Variants in ATP2B2 observed in about 807,000 individuals in gnomAD.
ATP2B2 encodes the protein ATPase plasma membrane Ca2+ transporting 2.
A neutral mutation model predicts 120.0 loss-of-function variants in ATP2B2; 15 were observed. The observed-to-expected ratio is 0.12, with a 90% CI of 0.08 to 0.19. The LOEUF is 0.19. Ranked by LOEUF, ATP2B2 falls within the 10% of genes least tolerant of loss-of-function variation. The pLI, the probability that ATP2B2 is intolerant of heterozygous loss-of-function variation, is 1.00. For synonymous variants in ATP2B2, 694 were observed against 700.3 expected (o/e 0.99, Z 0.14); for missense variants, 1,045 against 1,719.8 (o/e 0.61, Z 6.94).
chr3:10,505,259 C>T (rs2066575356), intron 1 of ATP2B2, among the ~76,000 whole-genome samples: 1 of 152,094 alleles, frequency 6.6e-6, no homozygotes, highest in South Asian at 2.1e-4. Context: ...TCTCCCTCAG[C>T]GGCGGCTCCC....
At chr3:10,566,021 C>T (rs572983292) in intron 2 of ATP2B2, among the ~76,000 whole-genome samples, 135 of 152,254 alleles carry the variant, frequency 8.9e-4, no homozygotes, top group African/African-American at 2.8e-3. Context: ...TGTCTGCCTA[C>T]TATGTCTATT....
chr3:10,412,950 C>T (rs1161473363), intron 2 of ATP2B2, among the ~76,000 whole-genome samples: 1 of 152,192 alleles, frequency 6.6e-6, no homozygotes, highest in Non-Finnish European at 1.5e-5. Context: ...CACCCCTCAT[C>T]AAACCTATGG....
At chr3:10,549,477 T>C (rs1159549530) in intron 2 of ATP2B2, among the ~76,000 whole-genome samples, 1 of 151,872 alleles carries the variant, frequency 6.6e-6, no homozygotes, top group Non-Finnish European at 1.5e-5. Context: ...TATAAATAAG[T>C]GCTCAATGTG....
chr3:10,334,311 G>C (rs1180667632), intron 22 of ATP2B2, among the ~76,000 whole-genome samples: 3 of 152,192 alleles, frequency 2.0e-5, no homozygotes, highest in African/African-American at 4.8e-5. Context: ...AGGAGTCATC[G>C]GGAGGGGTGG....
At chr3:10,594,767 A>G (rs895282257) in intron 2 of ATP2B2, among the ~76,000 whole-genome samples, 1 of 152,134 alleles carries the variant, frequency 6.6e-6, no homozygotes, top group Non-Finnish European at 1.5e-5. Flanking sequence ...TTTAATTAGC[A>G]TCTATATTTG....
At chr3:10,569,500 T>C (rs192437928) in intron 2 of ATP2B2, among the ~76,000 whole-genome samples, 6 of 152,218 alleles carry the variant, frequency 3.9e-5, no homozygotes, top group South Asian at 2.1e-4. Flanking sequence ...CTGACCAGTA[T>C]TTTTTTTCTT....
In ATP2B2 at chr3:10,635,792, A is replaced by G. The variant is rs975713319; in HGVS notation, c.-459-15831T>C. 6.6e-5 allele frequency among the ~76,000 whole-genome samples: 10 copies of G among 152,278 alleles called. No individual in the cohort carries two copies. In the East Asian group the frequency reaches 7.7e-4, roughly 12 times the overall value. ...TGACCAGGCTGGGCTGGAGTCAGCA[A>G]ATGATCCCCTGGTGGGTATTTCATA... is the stretch of plus-strand genomic sequence containing the variant. On this transcript the variant is annotated intron_variant, in intron 1 of 21. Coordinates refer to the ATP2B2 transcript ENST00000646379. This position sits in a 1 kb window ranked among gnomAD's most constrained non-coding sequence, Gnocchi z 4.3.
chr3:10,614,418 T>C (rs764037344), intron 2 of ATP2B2, among the ~76,000 whole-genome samples: 2 of 152,058 alleles, frequency 1.3e-5, no homozygotes, highest in Non-Finnish European at 2.9e-5. Context: ...GGCTGTACAG[T>C]TTCAACAGCT....
intron 1 of ATP2B2, among the ~76,000 whole-genome samples, chr3:10,503,995 G>A (rs550986921): frequency 7.2e-5 from 11 of 152,316 alleles, no homozygotes; most frequent in African/African-American, 2.6e-4. Context: ...GTGGGCATGG[G>A]CATTCCATAT....
intron 1 of ATP2B2, among the ~76,000 whole-genome samples, chr3:10,637,393 G>A (rs896803260): frequency 5.9e-5 from 9 of 152,172 alleles, no homozygotes; most frequent in Non-Finnish European, 8.8e-5. Flanking sequence ...CCAGGGCATT[G>A]TAACAGTTAT....
Position 10,342,718 on chromosome 3 carries a change from G to A in ATP2B2, c.2917+34C>T, listed in dbSNP as rs752851056. 93 of 1,608,764 alleles carry A rather than the reference G, an allele frequency of 5.8e-5. No homozygotes were observed. The highest frequency in any genetic ancestry group is 7.2e-5 in the Non-Finnish European group (85 of 1,175,636). On this transcript the variant is annotated intron_variant, in intron 19 of 22. Transcript: ENST00000360273. This position sits in a 1 kb window ranked among gnomAD's most constrained non-coding sequence, Gnocchi z 4.4. ...GGTGCACCCAGAAGGTGATGACCCC[G>A]CCTGGGAGAGGCGTGGGTGGGCGAG... is the stretch of plus-strand genomic sequence containing the variant.
At chr3:10,548,791 A>T (rs1480754688) in intron 2 of ATP2B2, among the ~76,000 whole-genome samples, 2 of 152,218 alleles carry the variant, frequency 1.3e-5, no homozygotes, top group African/African-American at 2.4e-5. Flanking sequence ...CACCAATATT[A>T]TTCCCATTTT....
At chr3:10,524,536 C>G (rs960645224) in intron 3 of ATP2B2, among the ~76,000 whole-genome samples, 3 of 152,170 alleles carry the variant, frequency 2.0e-5, no homozygotes, top group African/African-American at 7.2e-5. Context: ...TACAGTGCTG[C>G]TCCTCTTCCT....
intron 1 of ATP2B2, among the ~76,000 whole-genome samples, chr3:10,694,099 C>A (rs993190894): frequency 1.3e-5 from 2 of 152,204 alleles, no homozygotes; most frequent in African/African-American, 4.8e-5. Context: ...AGTATAATAC[C>A]AAAACCAAGA....
chr3:10,403,509 T>G (rs1263712391), intron 3 of ATP2B2, among the ~76,000 whole-genome samples: 1 of 152,182 alleles, frequency 6.6e-6, no homozygotes, highest in African/African-American at 2.4e-5. Flanking sequence ...CACGCCCCTC[T>G]CTCATCCCCA....
At chr3:10,333,946 T>C (rs1299052469) in intron 22 of ATP2B2, among the ~76,000 whole-genome samples, 1 of 152,222 alleles carries the variant, frequency 6.6e-6, no homozygotes, top group Non-Finnish European at 1.5e-5. Flanking sequence ...TGTAGACACA[T>C]TCCTGTCTAA....
rs541690381 is a variant in ATP2B2, at chr3:10,634,359, T to C, written c.-459-14398A>G. The stretch of plus-strand genomic sequence containing the variant: ...GTTTCCATGGTTCCAATATCTGCCA[T>C]AGCACCATATCCCAAGGTGACCCCA... On this transcript the variant is annotated intron_variant, in intron 1 of 21. Coordinates refer to the ATP2B2 transcript ENST00000646379. Among the ~76,000 whole-genome samples, 38 of 152,314 alleles carry C rather than the reference T, an allele frequency of 2.5e-4. 1 individual carries two copies. The highest frequency in any genetic ancestry group is 1.8e-3 in the Admixed American group (28 of 15,294).
intron 1 of ATP2B2, among the ~76,000 whole-genome samples, chr3:10,457,465 A>G (rs1192206025): frequency 1.3e-5 from 2 of 151,852 alleles, no homozygotes; most frequent in African/African-American, 4.8e-5. Flanking sequence ...GAGGGTCTCT[A>G]TGATGTATCA....
Position 10,575,502 on chromosome 3 carries a change from T to C in ATP2B2, c.-414-41369A>G, listed in dbSNP as rs114150064. 5.0e-3 allele frequency among the ~76,000 whole-genome samples: 763 copies of C among 152,270 alleles called. 4 individuals are homozygous for C. The highest frequency in any genetic ancestry group is 0.017 in the African/African-American group (701 of 41,550). ...AAGATGAAGAATTTGTGGAGATGGA[T>C]AGTGGTGATGGTTGCACAATGATGT... On this transcript the variant is annotated intron_variant, in intron 2 of 21. Coordinates refer to the ATP2B2 transcript ENST00000646379.
Sources: gnomAD v4.1 joint callset for allele counts (sites outside exome capture counted in the v4.1 genomes callset) on GRCh38, gnomAD v4.1.1 for gene constraint, Gnocchi (gnomAD v3.1) non-coding constraint, MANE v1.5 for transcripts, NCBI Gene and HGNC (gene_info 2026-07-23, HGNC 2026-07-21) for gene names.